Variants in ZDHHC3 observed in about 807,000 individuals in gnomAD.
ZDHHC3 encodes zDHHC palmitoyltransferase 3.
In ZDHHC3, 9 loss-of-function variants were observed where a neutral mutation model predicts 30.6. The observed-to-expected ratio is 0.29, with a 90% CI of 0.18 to 0.51. The LOEUF is 0.51. ZDHHC3 is among the 20% of genes least tolerant of loss of function. The pLI, the probability that ZDHHC3 is intolerant of heterozygous loss-of-function variation, is 0.97. For synonymous variants in ZDHHC3, 136 were observed against 140.2 expected (o/e 0.97, Z 0.21); for missense variants, 246 against 384.2 (o/e 0.64, Z 3.01).
Position 44,918,016 on chromosome 3 carries a change from G to C in ZDHHC3, c.*8673C>G. The C allele has an allele frequency of 7.7e-7, 1 of 1,305,442 alleles. No individual in the cohort carries two copies. The highest frequency in any genetic ancestry group is 1.0e-6 in the Non-Finnish European group (1 of 988,972). 80.9% of individuals were successfully genotyped at this position (1,305,442 alleles called of 1,614,324 possible). On this transcript the variant is annotated 3_prime_UTR_variant, in exon 7 of 7. Coordinates refer to ENST00000424952, the MANE Select transcript of ZDHHC3 (RefSeq NM_001135179.2). ...CATGTCTTTGTCACTGGGGATCTCT[G>C]GCTGACACGGTCTGGAGAAGGGGTT...
intron 3 of ZDHHC3, chr3:44,938,115 ATGGGAC>A (rs1702133585): frequency 4.2e-6 from 1 of 240,956 alleles, no homozygotes; most frequent in Non-Finnish European, 8.6e-6. Flanking sequence ...TCCCAAGTAG[ATGGGAC>A]TACAGGCATG....
In ZDHHC3 at chr3:44,960,741, T is replaced by C. The variant is rs147632070; in HGVS notation, c.-24-1281A>G. On this transcript the variant is annotated intron_variant, in intron 1 of 6. Coordinates refer to ENST00000424952, the MANE Select transcript of ZDHHC3 (RefSeq NM_001135179.2). ...TATCTCTGTCTTTTGAGAACTCAACTACACAGCAGAAGAAATCACTCAAAA... is the reference window on the plus strand; with the variant it reads ...TATCTCTGTCTTTTGAGAACTCAACCACACAGCAGAAGAAATCACTCAAAA... Among the ~76,000 whole-genome samples, 354 of 152,320 alleles carry C rather than the reference T, an allele frequency of 2.3e-3. 1 individual carries two copies. Among genetic ancestry groups the C allele is most frequent in the East Asian group, 8.7e-3 (45 of 5,182 alleles).
chr3:44,924,718 C>G lies in ZDHHC3; in HGVS notation c.*1971G>C. On this transcript the variant is annotated 3_prime_UTR_variant, in exon 7 of 7. Transcript: ENST00000424952. ...GGAGGGCCAGAGCTGTAGCCCTGCT[C>G]TAGTTATTTAATACAATAACACTTC... 1.0e-6 allele frequency: 1 copy of G among 985,450 alleles called. No individual in the cohort carries two copies. Among genetic ancestry groups the G allele is most frequent in the Non-Finnish European group, 1.2e-6 (1 of 829,942 alleles). 61.0% of individuals were successfully genotyped at this position (985,450 alleles called of 1,614,324 possible).
chr3:44,951,975 A>C (rs1355837563), intron 2 of ZDHHC3, among the ~76,000 whole-genome samples: 1 of 151,946 alleles, frequency 6.6e-6, no homozygotes, highest in South Asian at 2.1e-4. Context: ...TTCCCTGCTC[A>C]TTCTGCACTC....
At chr3:44,948,985 T>C (rs113162907) in intron 2 of ZDHHC3, among the ~76,000 whole-genome samples, 170 of 152,322 alleles carry the variant, frequency 1.1e-3, no homozygotes, top group African/African-American at 4.0e-3. Context: ...GAAGGAACAC[T>C]TGTCCACATG....
At chr3:44,947,241 G>T (rs573935130) in intron 2 of ZDHHC3, among the ~76,000 whole-genome samples, 1 of 152,308 alleles carries the variant, frequency 6.6e-6, no homozygotes, top group East Asian at 1.9e-4. Context: ...GAGAAGAGCT[G>T]ATCAGTTCAG....
At chr3:44,941,995 T>C (rs1010739698) in intron 3 of ZDHHC3, among the ~76,000 whole-genome samples, 3 of 152,082 alleles carry the variant, frequency 2.0e-5, no homozygotes, top group African/African-American at 7.2e-5. Context: ...GACACCAGGA[T>C]GAAAGAGCGT....
At chr3:44,930,541 C>T (rs1025360011) in intron 5 of ZDHHC3, among the ~76,000 whole-genome samples, 8 of 152,154 alleles carry the variant, frequency 5.3e-5, no homozygotes, top group African/African-American at 1.9e-4. Flanking sequence ...AGGGCAGAGT[C>T]GGGCTTCATT....
intron 4 of ZDHHC3, 172 bp from the exon 5 acceptor site, chr3:44,933,371 C>T (rs898570412): frequency 1.6e-6 from 1 of 641,470 alleles, no homozygotes; most frequent in East Asian, 2.7e-5. Context: ...CGTCTACCCA[C>T]CAGCCCTGGG....
Position 44,918,062 on chromosome 3 carries a change from C to G in ZDHHC3, c.*8627G>C. ...GGGTTGAACCAGTTCAGGGAGAAGTCCCCACCAAAGGTCTCCTTTACTGAC... is the reference window on the plus strand; with the variant it reads ...GGGTTGAACCAGTTCAGGGAGAAGTGCCCACCAAAGGTCTCCTTTACTGAC... On this transcript the variant is annotated 3_prime_UTR_variant, in exon 7 of 7. Coordinates refer to ENST00000424952, the MANE Select transcript of ZDHHC3 (RefSeq NM_001135179.2). 7.7e-7 allele frequency: 1 copy of G among 1,305,406 alleles called. No individual in the cohort carries two copies. The highest frequency in any genetic ancestry group is 1.0e-6 in the Non-Finnish European group (1 of 988,964). The allele number at this position is 1,305,406 out of a possible 1,614,324, so 80.9% of individuals were successfully genotyped here. A position where few individuals can be genotyped will look rare whatever the true frequency, so the allele number is the denominator to read the frequency against.
intron 2 of ZDHHC3, 34 bp from the exon 3 acceptor site, chr3:44,945,326 T>C: frequency 6.2e-7 from 1 of 1,613,802 alleles, no homozygotes; most frequent in Non-Finnish European, 8.5e-7. Context: ...AGGGTTGGGC[T>C]GGGGGTTCTA....
chr3:44,975,747 GTCTCTCTC>G (rs144383795), intron 1 of ZDHHC3, among the ~76,000 whole-genome samples, 178 bp downstream of exon 1: 68 of 134,772 alleles, frequency 5.0e-4, no homozygotes, highest in South Asian at 2.4e-3. Context: ...CTTAGTCGGG[GTCTCTCTC>G]TCTCTCTCTC....
chr3:44,918,362 G>A lies in ZDHHC3; in HGVS notation c.*8327C>T, dbSNP rs1700351030. On this transcript the variant is annotated 3_prime_UTR_variant, in exon 7 of 7. Transcript: ENST00000424952. ...GGTGTGGGTGGACAGCAGCGTGGAG[G>A]AACACAGCAAGCAGGGCCCGCCTGG... 2 of 985,324 alleles carry A rather than the reference G, an allele frequency of 2.0e-6. No homozygotes were observed. Among genetic ancestry groups the A allele is most frequent in the Non-Finnish European group, 2.4e-6 (2 of 829,906 alleles). The allele number at this position is 985,324 out of a possible 1,614,324, so 61.0% of individuals were successfully genotyped here.
intron 3 of ZDHHC3, among the ~76,000 whole-genome samples, chr3:44,936,963 A>G (rs1245116623): frequency 6.6e-6 from 1 of 151,722 alleles, no homozygotes; most frequent in Non-Finnish European, 1.5e-5. Context: ...AAACTCTCTC[A>G]ATTTTGCCTG....
chr3:44,928,723 G>T (rs1328567426), intron 6 of ZDHHC3, among the ~76,000 whole-genome samples: 1 of 152,228 alleles, frequency 6.6e-6, no homozygotes, highest in African/African-American at 2.4e-5. Flanking sequence ...CAGCGAAGAT[G>T]CTGTGGGTAG....
At chr3:44,961,055 T>A (rs114688427) in intron 1 of ZDHHC3, among the ~76,000 whole-genome samples, 1 of 152,356 alleles carries the variant, frequency 6.6e-6, no homozygotes, top group South Asian at 2.1e-4. Flanking sequence ...ATGCAGTCAC[T>A]ATCACTGTGT....
chr3:44,944,238 C>T (rs181770296), intron 3 of ZDHHC3, among the ~76,000 whole-genome samples: 32 of 152,288 alleles, frequency 2.1e-4, no homozygotes, highest in African/African-American at 7.2e-4. Context: ...CAACCTCTGC[C>T]TCCCGGGTTC....
At chr3:44,970,193 C>T (rs1705294805) in intron 1 of ZDHHC3, among the ~76,000 whole-genome samples, 1 of 152,218 alleles carries the variant, frequency 6.6e-6, no homozygotes, top group South Asian at 2.1e-4. Context: ...ATCACTTATT[C>T]CAGGCACTGT....
Position 44,921,859 on chromosome 3 carries a change from G to A in ZDHHC3, c.*4830C>T, listed in dbSNP as rs1228773611. On this transcript the variant is annotated 3_prime_UTR_variant, in exon 7 of 7. Transcript: ENST00000424952. ...ACCAGACTATATGGCCTCAGCTGCA[G>A]AAATTCAGGGCATCCTTATGTCCGT... The A allele has an allele frequency of 3.0e-6, 3 of 985,306 alleles. No homozygotes were observed. Among genetic ancestry groups the A allele is most frequent in the Non-Finnish European group, 3.6e-6 (3 of 829,934 alleles). The allele number at this position is 985,306 out of a possible 1,614,324, so 61.0% of individuals were successfully genotyped here.
Sources: gnomAD v4.1 joint callset for allele counts (sites outside exome capture counted in the v4.1 genomes callset) on GRCh38, gnomAD v4.1.1 for gene constraint, MANE v1.5 for transcripts, NCBI Gene and HGNC (gene_info 2026-07-23, HGNC 2026-07-21) for gene names.